Variants in RPL3L observed in about 807,000 individuals in gnomAD.
RPL3L encodes ribosomal protein uL3-like.
In RPL3L, 44 loss-of-function variants were observed where a neutral mutation model predicts 44.5. The observed-to-expected ratio is 0.99, with a 90% CI of 0.78 to 1.27. The LOEUF (loss-of-function observed/expected upper bound fraction) is 1.27. Among genes scored for constraint, RPL3L ranks in the 50% most tolerant of loss-of-function variants. The probability of loss-of-function intolerance (pLI) is 0.00; values close to 1 mark genes in which losing one functional copy is unlikely to be tolerated. For missense variants in RPL3L, 631 were observed against 569.1 expected (o/e 1.11, Z -1.11); for synonymous variants, 292 against 230.7 (o/e 1.27, Z -2.41).
chr16:1,954,051 C>CG lies in RPL3L; in HGVS notation c.100dup (p.Arg34ProfsTer3). 1.2e-6 allele frequency: 2 copies of CG among 1,607,322 alleles called. No homozygotes were observed. Among genetic ancestry groups the CG allele is most frequent in the South Asian group, 2.2e-5 (2 of 89,798 alleles). On this transcript the variant is annotated frameshift_variant, in exon 2 of 10. Transcript: ENST00000268661. LOFTEE classifies it high-confidence loss of function. The stretch of plus-strand genomic sequence containing the variant: ...GTGCACGGGCTGGCTGGGGTCATCC[C>CG]GCGGCCACGTCTTCACCTTGCCCCG...
Position 1,950,989 on chromosome 16 carries a change from G to C in RPL3L, c.366-10C>G. On this transcript the variant is annotated splice_polypyrimidine_tract_variant and intron_variant, in intron 3 of 9. Coordinates refer to ENST00000268661, the MANE Select transcript of RPL3L (RefSeq NM_005061.3). ...CTTCTTGCTCTTGTGCCTGAGCCAT[G>C]CACAGGAGGGTGCTCAGAAGCCCCC... The C allele has an allele frequency of 1.2e-6, 2 of 1,613,074 alleles. No homozygotes were observed. Among genetic ancestry groups the C allele is most frequent in the Non-Finnish European group, 1.7e-6 (2 of 1,179,732 alleles).
intron 2 of RPL3L, 68 bp downstream of exon 2, chr16:1,953,888 A>C: frequency 7.2e-7 from 1 of 1,383,174 alleles, no homozygotes; most frequent in Non-Finnish European, 9.5e-7. Context: ...CAAAAGCGTG[A>C]GTTCTGGCTC....
In RPL3L at chr16:1,944,691, C is replaced by T. The variant is rs988042885; in HGVS notation, c.*146G>A. On this transcript the variant is annotated 3_prime_UTR_variant, in exon 10 of 10. Transcript: ENST00000268661. ...TTGCAATTCCCCTGTCTTAATGAAT[C>T]GGCTTTGTCTAGGCAGCAGGCAAGG... is the stretch of plus-strand genomic sequence containing the variant. 1.6e-5 allele frequency: 14 copies of T among 885,516 alleles called. No individual in the cohort carries two copies. In the East Asian group the frequency reaches 2.2e-4, roughly 14 times the overall value. The allele number at this position is 885,516 out of a possible 1,614,324, so 54.9% of individuals were successfully genotyped here. A position where few individuals can be genotyped will look rare whatever the true frequency, so the allele number is the denominator to read the frequency against.
chr16:1,950,082 G>A (rs1288846391), intron 4 of RPL3L, among the ~76,000 whole-genome samples: 1 of 111,270 alleles, frequency 9.0e-6, no homozygotes, highest in Non-Finnish European at 1.9e-5. Flanking sequence ...GTATGGACGG[G>A]GCAGGTATGT....
In RPL3L at chr16:1,947,049, C is replaced by A. The variant is rs1286880803; in HGVS notation, c.738G>T (p.Lys246Asn). Residue 246 changes from lysine to asparagine, a missense_variant, in exon 6 of 10, where the codon AAG becomes AAT. Physicochemically the swap from Lys to Asn is moderately conservative, Grantham distance 94. Transcript: ENST00000268661. ...HTKKLPRKTH[K>N]GLRKVACIGA... ...CAATGCAGGCCACCTTGCGCAGGCC[C>A]TTATGGGTCTTCCGCGGCAGCTTCT... The A allele has an allele frequency of 6.2e-7, 1 of 1,613,404 alleles. No individual in the cohort carries two copies. Among genetic ancestry groups the A allele is most frequent in the Non-Finnish European group, 8.5e-7 (1 of 1,179,974 alleles).
chr16:1,953,865 G>T, intron 2 of RPL3L, 91 bp downstream of exon 2: 1 of 1,294,422 alleles, frequency 7.7e-7, no homozygotes. Flanking sequence ...TGGGACTGTG[G>T]CCCTGTCTGG....
chr16:1,949,262 T>TTTTC (rs2083151248), intron 4 of RPL3L, among the ~76,000 whole-genome samples: 1 of 85,998 alleles, frequency 1.2e-5, no homozygotes, highest in Non-Finnish European at 2.3e-5. Flanking sequence ...TTTTTTTCTT[T>TTTTC]TTTTTTTTTT....
rs2083131741 is a variant in RPL3L at position 1,947,363 on chromosome 16, GA to G, written c.518del (p.Phe173SerfsTer13). The G allele has an allele frequency of 6.3e-7, 1 of 1,590,552 alleles. No homozygotes were observed. ...IVHTQMKLLP[F>X]RQKKAHIMEI... ...CCATGATGTGGGCCTTCTTCTGCCG[GA>G]AGGGCAGCAGTTTCATCTGCAGGAC... On this transcript the variant is annotated frameshift_variant, in exon 5 of 10. Transcript: ENST00000268661. LOFTEE classifies it high-confidence loss of function.
At position 1,944,505 on chromosome 16, in the gene RPL3L, G is replaced by A; in HGVS notation, c.*332C>T. 1.0e-5 allele frequency: 2 copies of A among 197,966 alleles called. No homozygotes were observed. The highest frequency in any genetic ancestry group is 2.0e-5 in the Non-Finnish European group (2 of 100,574). 12.3% of individuals were successfully genotyped at this position (197,966 alleles called of 1,614,324 possible). A position where few individuals can be genotyped will look rare whatever the true frequency, so the allele number is the denominator to read the frequency against. On this transcript the variant is annotated 3_prime_UTR_variant, in exon 10 of 10. Coordinates refer to ENST00000268661, the MANE Select transcript of RPL3L (RefSeq NM_005061.3). ...TTATCCTTAAAAACTCTGCTCCCCGGCACTCCAGCAGCCTGGGCGACAAGA... is the reference window on the plus strand; with the variant it reads ...TTATCCTTAAAAACTCTGCTCCCCGACACTCCAGCAGCCTGGGCGACAAGA...
intron 7 of RPL3L, 60 bp from the exon 8 acceptor site, chr16:1,945,990 T>G (rs1597024743): frequency 6.8e-7 from 1 of 1,469,430 alleles, no homozygotes. Context: ...AGTGGGTGGC[T>G]GGGGGCCCTA....
chr16:1,949,555 ATTTTTT>A (rs563038812), intron 4 of RPL3L, among the ~76,000 whole-genome samples: 1 of 112,034 alleles, frequency 8.9e-6, no homozygotes, highest in Non-Finnish European at 1.8e-5. Flanking sequence ...GTCTGGCTTG[ATTTTTT>A]TTTTTTTTTT....
intron 5 of RPL3L, 47 bp from the exon 6 acceptor site, chr16:1,947,145 C>T (rs771496876): frequency 6.2e-7 from 1 of 1,613,058 alleles, no homozygotes; most frequent in Admixed American, 1.7e-5. Flanking sequence ...CTGGTCCCCA[C>T]TGCCTCCAGG....
chr16:1,947,192 A>G lies in RPL3L; in HGVS notation c.688+2T>C, dbSNP rs1411618049. On this transcript the variant is annotated splice_donor_variant, in intron 5 of 9. Coordinates refer to ENST00000268661, the MANE Select transcript of RPL3L (RefSeq NM_005061.3). LOFTEE classifies it high-confidence loss of function. The stretch of plus-strand genomic sequence containing the variant: ...GGAGCTGCCATCCTCACTGAGCCCT[A>G]CCTTTGACGCCTCGACCCTTGGTGA... 1 of 1,612,536 alleles carries G rather than the reference A, an allele frequency of 6.2e-7. No homozygotes were observed. Among genetic ancestry groups the G allele is most frequent in the East Asian group, 2.2e-5 (1 of 44,804 alleles).
rs749178872 is a variant in RPL3L, at chr16:1,950,880, CT to C, written c.464del (p.Lys155SerfsTer14). ...QLQKDFAAMK[K>X]YCKVIRVIVH... ...CAATGACCCGAATGACCTTGCAGTA[CT>C]TCTTCATGGCGGCGAAGTCCTTCTG... is the stretch of plus-strand genomic sequence containing the variant. On this transcript the variant is annotated frameshift_variant, in exon 4 of 10. Coordinates refer to ENST00000268661, the MANE Select transcript of RPL3L (RefSeq NM_005061.3). LOFTEE classifies it high-confidence loss of function. 1.2e-6 allele frequency: 2 copies of C among 1,614,080 alleles called. No homozygotes were observed. Among genetic ancestry groups the C allele is most frequent in the South Asian group, 2.2e-5 (2 of 91,088 alleles).
intron 4 of RPL3L, among the ~76,000 whole-genome samples, chr16:1,948,118 T>C (rs1466734700): frequency 6.6e-6 from 1 of 151,848 alleles, no homozygotes; most frequent in Non-Finnish European, 1.5e-5. Context: ...TTTGTATTTT[T>C]AGTTGAGACA....
rs750582127 is a variant in RPL3L, at chr16:1,944,867, C to T, written c.1194G>A (p.Lys398=). 30 of 1,614,086 alleles carry T rather than the reference C, an allele frequency of 1.9e-5. No individual in the cohort carries two copies. In the South Asian group the frequency reaches 3.3e-4, roughly 18 times the overall value. ...FMGPQKKHLE[K]ETPETSGDL ...AGTCTCCCGAGGTCTCCGGCGTTTC[C>T]TTCTCCAGATGCTTCTTTTGGGGGC... The change falls in exon 10 of 10, where the codon AAG becomes AAA. Residue 398 remains lysine, a synonymous_variant. Coordinates refer to ENST00000268661, the MANE Select transcript of RPL3L (RefSeq NM_005061.3).
chr16:1,953,968 G>T lies in RPL3L; in HGVS notation c.184C>A (p.Arg62=), dbSNP rs369382555. 1.9e-6 allele frequency: 3 copies of T among 1,538,826 alleles called. No homozygotes were observed. The highest frequency in any genetic ancestry group is 2.6e-6 in the Non-Finnish European group (3 of 1,137,190). The part of the protein sequence containing the change: ...GMTHTLREVH[R]PGLKISKREE... Reference sequence around the variant, plus strand: ...AACTGTGACTCACTGAGCCCCGGCCGGTGCACCTCCCGCAGGGTGTGGGTC... The same window carrying T: ...AACTGTGACTCACTGAGCCCCGGCCTGTGCACCTCCCGCAGGGTGTGGGTC... Residue 62 remains arginine (R), a synonymous_variant, in exon 2 of 10, where the codon CGG becomes AGG. Coordinates refer to ENST00000268661, the MANE Select transcript of RPL3L (RefSeq NM_005061.3).
chr16:1,946,500 G>A (rs1184323172), intron 7 of RPL3L, 125 bp downstream of exon 7: 2 of 986,898 alleles, frequency 2.0e-6, no homozygotes, highest in African/African-American at 1.6e-5. Flanking sequence ...CTTGGGGCAG[G>A]GAGCGTCCAG....
chr16:1,949,665 T>C (rs1185450584), intron 4 of RPL3L, among the ~76,000 whole-genome samples: 2 of 142,888 alleles, frequency 1.4e-5, no homozygotes, highest in African/African-American at 5.3e-5. Flanking sequence ...TAGTGACCCA[T>C]AGGTATGTAT....
Sources: gnomAD v4.1 joint callset for allele counts (sites outside exome capture counted in the v4.1 genomes callset) on GRCh38, gnomAD v4.1.1 for gene constraint, MANE v1.5 for transcripts, NCBI Gene and HGNC (gene_info 2026-07-23, HGNC 2026-07-21) for gene names.